PHLPP1: variants seen among roughly 807,000 people sequenced by gnomAD.
PHLPP1 encodes the protein PH domain leucine-rich repeat-containing protein phosphatase 1.
PHLPP1 carries 42 observed loss-of-function variants against 117.2 expected under a neutral mutation model. The ratio of observed to expected loss-of-function variants is 0.36; its 90% CI spans 0.28 to 0.46. PHLPP1 has a LOEUF of 0.46. Among genes scored for constraint, PHLPP1 ranks in the 20% least tolerant of loss-of-function variants. PHLPP1 has a pLI of 1.00. For missense variants in PHLPP1, 2,084 were observed against 2,241.9 expected (o/e 0.93, Z 1.42); for synonymous variants, 1,042 against 970.7 (o/e 1.07, Z -1.37).
intron 1 of PHLPP1, among the ~76,000 whole-genome samples, chr18:62,804,274 T>G (rs913235862): frequency 6.6e-6 from 1 of 152,114 alleles, no homozygotes; most frequent in African/African-American, 2.4e-5. Flanking sequence ...TCACTTCCCA[T>G]CAGGTCCCTC....
At chr18:62,957,228 G>C (rs1910635603) in intron 12 of PHLPP1, among the ~76,000 whole-genome samples, 1 of 152,128 alleles carries the variant, frequency 6.6e-6, no homozygotes, top group African/African-American at 2.4e-5. Flanking sequence ...TAGGTTCCCT[G>C]CTCCCTGAAC....
chr18:62,769,854 A>ACATCT (rs1198406594), intron 1 of PHLPP1, among the ~76,000 whole-genome samples: 1 of 152,212 alleles, frequency 6.6e-6, no homozygotes, highest in Non-Finnish European at 1.5e-5. Flanking sequence ...TATTTCAAAT[A>ACATCT]CATCTCTAAT....
At position 62,941,840 on chromosome 18, in the gene PHLPP1, G is replaced by T; in HGVS notation, c.3083G>T (p.Cys1028Phe). The T allele has an allele frequency of 6.2e-7, 1 of 1,613,994 alleles. No individual in the cohort carries two copies. Among genetic ancestry groups the T allele is most frequent in the Non-Finnish European group, 8.5e-7 (1 of 1,179,860 alleles). ...ACAAATAACAGCCTCACAGACAAATGTGTGCCCTTGTTAACGGGACACCCC... is the reference window on the plus strand; with the variant it reads ...ACAAATAACAGCCTCACAGACAAATTTGTGCCCTTGTTAACGGGACACCCC... ...YLTNNSLTDK[C>F]VPLLTGHPHL... Residue 1028 changes from cysteine (C) to phenylalanine (F), a missense_variant, in exon 11 of 17, where the codon TGT becomes TTT. Coordinates refer to ENST00000262719, the MANE Select transcript of PHLPP1 (RefSeq NM_194449.4).
intron 4 of PHLPP1, among the ~76,000 whole-genome samples, chr18:62,873,966 C>T (rs1196322966): frequency 2.6e-5 from 4 of 151,660 alleles, no homozygotes; most frequent in African/African-American, 9.7e-5. Flanking sequence ...AGGTGGATCA[C>T]GAGATCAGCA....
chr18:62,736,625 T>C (rs1251146462), intron 1 of PHLPP1, among the ~76,000 whole-genome samples: 6 of 152,204 alleles, frequency 3.9e-5, no homozygotes. Flanking sequence ...GGCGACATAA[T>C]GAATGAAAGT....
intron 3 of PHLPP1, among the ~76,000 whole-genome samples, chr18:62,854,693 CTTTTT>C (rs5825495): frequency 1.2e-5 from 1 of 85,014 alleles, no homozygotes. Context: ...GATCCTGCTA[CTTTTT>C]TTTTTTTTTT....
rs978020214 is a variant in PHLPP1, at chr18:62,742,339, A to G, written c.1576+25080A>G. On this transcript the variant is annotated intron_variant, in intron 1 of 16. Transcript: ENST00000262719. Reference sequence around the variant, plus strand: ...GCTGTGTAGTTCCTTATACAGCTATATTGATTGACTCTATGTTATCTGAGG... The same window carrying G: ...GCTGTGTAGTTCCTTATACAGCTATGTTGATTGACTCTATGTTATCTGAGG... Among the ~76,000 whole-genome samples, 4 of 152,094 alleles carry G rather than the reference A, an allele frequency of 2.6e-5. No individual in the cohort carries two copies. In the East Asian group the frequency reaches 7.7e-4, roughly 29 times the overall value.
chr18:62,832,964 C>T (rs985562524), intron 2 of PHLPP1, among the ~76,000 whole-genome samples: 6 of 151,976 alleles, frequency 3.9e-5, no homozygotes, highest in Admixed American at 1.3e-4. Context: ...AAATAAAACT[C>T]TCAAAATTTA....
intron 9 of PHLPP1, among the ~76,000 whole-genome samples, chr18:62,916,817 G>A (rs894608265): frequency 4.8e-5 from 6 of 125,954 alleles, no homozygotes; most frequent in Admixed American, 9.9e-5. Flanking sequence ...GCAGTGGTGC[G>A]ATCTTGGCTC....
At chr18:62,974,669 GGGTTTTT>G (rs1388409437) in intron 15 of PHLPP1, among the ~76,000 whole-genome samples, 1 of 152,106 alleles carries the variant, frequency 6.6e-6, no homozygotes, top group Non-Finnish European at 1.5e-5. Context: ...TTTGTAAGAG[GGGTTTTT>G]GATTTTTGAT....
At chr18:62,927,734 C>G (rs1177468295) in intron 10 of PHLPP1, among the ~76,000 whole-genome samples, 1 of 151,100 alleles carries the variant, frequency 6.6e-6, no homozygotes, top group Non-Finnish European at 1.5e-5. Context: ...AAGACAGATC[C>G]AAAAGGCATA....
chr18:62,949,687 T>A (rs1333094871), intron 12 of PHLPP1, among the ~76,000 whole-genome samples: 2 of 152,238 alleles, frequency 1.3e-5, no homozygotes, highest in East Asian at 3.8e-4. Flanking sequence ...GCAGATTGTG[T>A]TCTCTTTTGG....
At chr18:62,899,303 C>T (rs1916655968) in intron 6 of PHLPP1, among the ~76,000 whole-genome samples, 1 of 152,184 alleles carries the variant, frequency 6.6e-6, no homozygotes. Context: ...TGGTTAATTG[C>T]CTCACCCACC....
chr18:62,796,834 G>A (rs983409261), intron 1 of PHLPP1, among the ~76,000 whole-genome samples: 3 of 152,200 alleles, frequency 2.0e-5, no homozygotes, highest in Admixed American at 6.5e-5. Flanking sequence ...GAATAAACTT[G>A]TTATGAATTT....
chr18:62,826,112 C>G (rs1425166451), intron 1 of PHLPP1: 3 of 223,960 alleles, frequency 1.3e-5, no homozygotes, highest in East Asian at 2.1e-4. Flanking sequence ...AATAAATCTA[C>G]TACAGTTATC....
intron 15 of PHLPP1, among the ~76,000 whole-genome samples, chr18:62,973,692 C>T (rs934845145): frequency 1.3e-5 from 2 of 152,190 alleles, no homozygotes; most frequent in African/African-American, 4.8e-5. Context: ...CTGCTACACT[C>T]ACCCCTGACT....
At chr18:62,864,458 G>A (rs1915719890) in intron 4 of PHLPP1, among the ~76,000 whole-genome samples, 1 of 152,236 alleles carries the variant, frequency 6.6e-6, no homozygotes, top group African/African-American at 2.4e-5. Context: ...ATTCAAGGTA[G>A]AGAGGAGGTC....
chr18:62,865,380 T>G (rs1350207249), intron 4 of PHLPP1, among the ~76,000 whole-genome samples: 2 of 152,208 alleles, frequency 1.3e-5, no homozygotes, highest in African/African-American at 2.4e-5. Flanking sequence ...AATATGCTTT[T>G]TTTTTTCTTT....
chr18:62,892,925 C>T (rs891170660), intron 4 of PHLPP1, among the ~76,000 whole-genome samples: 8 of 151,552 alleles, frequency 5.3e-5, no homozygotes, highest in Admixed American at 6.6e-5. Flanking sequence ...GAAAGGGTCT[C>T]GGGTACCTCC....
Sources: allele counts gnomAD v4.1 joint callset (sites outside exome capture counted in the v4.1 genomes callset), GRCh38; gene constraint gnomAD v4.1.1; transcripts MANE v1.5; gene names NCBI Gene and HGNC (gene_info 2026-07-23, HGNC 2026-07-21).